The following DRD2 variants were observed in gnomAD, a reference collection of about 807,000 sequenced individuals.
DRD2 encodes dopamine receptor D2, also known as D(2) dopamine receptor.
In DRD2, 8 loss-of-function variants were observed where a neutral mutation model predicts 38.0. The observed-to-expected ratio is 0.21, with a 90% CI of 0.12 to 0.38. DRD2 has a LOEUF of 0.38. DRD2 is among the 10% of genes least tolerant of loss of function. The pLI is 1.00. For missense variants in DRD2, 403 were observed against 607.7 expected (o/e 0.66, Z 3.54); for synonymous variants, 230 against 238.6 (o/e 0.96, Z 0.33).
intron 2 of DRD2, among the ~76,000 whole-genome samples, chr11:113,420,398 C>G (rs946788198): frequency 6.6e-6 from 1 of 152,194 alleles, no homozygotes; most frequent in Non-Finnish European, 1.5e-5. Context: ...CCTCTGTGGT[C>G]CCAGGGGAAG....
chr11:113,422,423 G>A (rs548845486), intron 2 of DRD2, among the ~76,000 whole-genome samples: 1 of 152,188 alleles, frequency 6.6e-6, no homozygotes, highest in African/African-American at 2.4e-5. Flanking sequence ...CTGAGGCACA[G>A]AGAGTTTGTT....
intron 1 of DRD2, among the ~76,000 whole-genome samples, chr11:113,448,783 AC>A (rs774300461): frequency 9.9e-5 from 15 of 152,130 alleles, no homozygotes; most frequent in Non-Finnish European, 1.9e-4. Flanking sequence ...CTCCTTGGCC[AC>A]CTCTAAAGGA....
chr11:113,445,732 C>T (rs754499569), intron 1 of DRD2, among the ~76,000 whole-genome samples: 26 of 152,232 alleles, frequency 1.7e-4, no homozygotes, highest in Non-Finnish European at 3.7e-4. Flanking sequence ...TCATTTTAAG[C>T]ACCTACTGTG....
intron 1 of DRD2, among the ~76,000 whole-genome samples, chr11:113,426,724 A>G (rs1950944349): frequency 6.6e-6 from 1 of 152,226 alleles, no homozygotes; most frequent in African/African-American, 2.4e-5. Flanking sequence ...AGCCTCGGGG[A>G]AAAGCAAAGT....
chr11:113,467,122 T>A (rs73557296), intron 1 of DRD2, among the ~76,000 whole-genome samples: 1 of 151,994 alleles, frequency 6.6e-6, no homozygotes, highest in Admixed American at 6.5e-5. Context: ...TGTCAACACA[T>A]GTCTCTTATT....
At chr11:113,453,067 T>G (rs1441730755) in intron 1 of DRD2, among the ~76,000 whole-genome samples, 1 of 152,152 alleles carries the variant, frequency 6.6e-6, no homozygotes, top group Non-Finnish European at 1.5e-5. Context: ...GTTAGCTGAG[T>G]GACTTTGGGC....
chr11:113,419,227 G>C (rs1565662257), intron 2 of DRD2, among the ~76,000 whole-genome samples: 1 of 152,162 alleles, frequency 6.6e-6, no homozygotes, highest in Non-Finnish European at 1.5e-5. Context: ...TAAGAATAAT[G>C]GTGAAGATGA....
intron 4 of DRD2, 27 bp downstream of exon 4, chr11:113,416,836 C>A: frequency 6.2e-7 from 1 of 1,611,448 alleles, no homozygotes; most frequent in Non-Finnish European, 8.5e-7. Flanking sequence ...GCCAGCTGAG[C>A]CTCAGGCAAA....
At chr11:113,461,643 G>C (rs890263183) in intron 1 of DRD2, among the ~76,000 whole-genome samples, 2 of 152,186 alleles carry the variant, frequency 1.3e-5, no homozygotes, top group Non-Finnish European at 2.9e-5. Context: ...GCCCCCAAAA[G>C]ATCCTGGGTA....
At chr11:113,422,640 C>T (rs1055084340) in intron 2 of DRD2, among the ~76,000 whole-genome samples, 14 of 152,108 alleles carry the variant, frequency 9.2e-5, no homozygotes, top group Admixed American at 2.0e-4. Context: ...TTGGTTCTTC[C>T]TTAATATCCA....
intron 1 of DRD2, among the ~76,000 whole-genome samples, chr11:113,430,835 A>G (rs1451727948): frequency 1.3e-5 from 2 of 152,238 alleles, no homozygotes; most frequent in East Asian, 3.8e-4. Context: ...GCAAAGCCAC[A>G]TAACACATGG....
At chr11:113,455,308 G>T (rs943557671) in intron 1 of DRD2, among the ~76,000 whole-genome samples, 3 of 152,122 alleles carry the variant, frequency 2.0e-5, no homozygotes, top group Non-Finnish European at 2.9e-5. Context: ...GTTGCGGTGA[G>T]CTGAGATCAC....
rs1020235600 is a variant in DRD2 at position 113,474,790 on chromosome 11, G to A, written c.-32+286C>T. On this transcript the variant is annotated intron_variant, in intron 1 of 7. Transcript: ENST00000362072. ...TGCTGCCCTGGGCGCCCCGCGGGGA[G>A]GCTGCCCCAGCTGCGCCCGCTCGTG... is the stretch of plus-strand genomic sequence containing the variant. Among the ~76,000 whole-genome samples, 7 of 152,026 alleles carry A rather than the reference G, an allele frequency of 4.6e-5. No individual in the cohort carries two copies. In the East Asian group the frequency reaches 1.4e-3, roughly 30 times the overall value.
At chr11:113,463,433 A>T (rs1951341199) in intron 1 of DRD2, among the ~76,000 whole-genome samples, 1 of 152,090 alleles carries the variant, frequency 6.6e-6, no homozygotes, top group Admixed American at 6.6e-5. Context: ...CAGCCATGAG[A>T]CCCTGAACAC....
At chr11:113,467,056 C>T (rs12421616) in intron 1 of DRD2, among the ~76,000 whole-genome samples, 9,984 of 152,116 alleles carry the variant, frequency 0.066, 857 homozygotes, top group East Asian at 0.39. Flanking sequence ...CGGGGGCAGG[C>T]GGTGGGAGGC....
rs1176979203 is a variant in DRD2, at chr11:113,410,434, T to C, written c.*293A>G. The C allele has an allele frequency of 9.5e-6, 5 of 524,532 alleles. No homozygotes were observed. Among genetic ancestry groups the C allele is most frequent in the Non-Finnish European group, 1.7e-5 (5 of 287,348 alleles). 32.5% of individuals were successfully genotyped at this position (524,532 alleles called of 1,614,324 possible). Reference sequence around the variant, plus strand: ...AAGGTCAAGGAAGGCGGCTGCATCTTTGGTGCCAAGGATAGGGGGACTGGA... The same window carrying C: ...AAGGTCAAGGAAGGCGGCTGCATCTCTGGTGCCAAGGATAGGGGGACTGGA... On this transcript the variant is annotated 3_prime_UTR_variant, in exon 8 of 8. Coordinates refer to ENST00000362072, the MANE Select transcript of DRD2 (RefSeq NM_000795.4).
Position 113,424,679 on chromosome 11 carries a change from G to C in DRD2, c.-28C>G. 1 of 1,613,550 alleles carries C rather than the reference G, an allele frequency of 6.2e-7. No homozygotes were observed. The highest frequency in any genetic ancestry group is 1.3e-5 in the African/African-American group (1 of 75,046). The stretch of plus-strand genomic sequence containing the variant: ...GGGCGGTGGAGCCACTGGGTGGCCA[G>C]GCTCTGGCCAGGAAAAATGGACACA... On this transcript the variant is annotated 5_prime_UTR_variant, in exon 2 of 8. Transcript: ENST00000362072.
At chr11:113,443,165 G>A (rs946502901) in intron 1 of DRD2, among the ~76,000 whole-genome samples, 2 of 152,054 alleles carry the variant, frequency 1.3e-5, no homozygotes, top group African/African-American at 4.8e-5. Flanking sequence ...AGGCTCAGTG[G>A]TCTCAGCCTC....
At chr11:113,442,203 C>T (rs1164275437) in intron 1 of DRD2, among the ~76,000 whole-genome samples, 1 of 152,196 alleles carries the variant, frequency 6.6e-6, no homozygotes, top group Non-Finnish European at 1.5e-5. Flanking sequence ...ATCCCTCCCT[C>T]CAGTCATTAT....
Sources: allele counts gnomAD v4.1 joint callset (sites outside exome capture counted in the v4.1 genomes callset), GRCh38; gene constraint gnomAD v4.1.1; transcripts MANE v1.5; gene names NCBI Gene and HGNC (gene_info 2026-07-23, HGNC 2026-07-21).